The following RETSAT variants were observed in gnomAD, a reference collection of about 807,000 sequenced individuals.
The protein encoded by RETSAT is all-trans-retinol 13,14-reductase.
RETSAT carries 35 observed loss-of-function variants against 61.6 expected under a neutral mutation model. The observed-to-expected ratio is 0.57, with a 90% CI of 0.43 to 0.75. The LOEUF (loss-of-function observed/expected upper bound fraction) is 0.75. RETSAT is among the 30% of genes least tolerant of loss of function. The pLI, the probability that RETSAT is intolerant of heterozygous loss-of-function variation, is 0.00. For synonymous variants in RETSAT, 277 were observed against 310.4 expected, an observed-to-expected ratio of 0.89 and a Z score of 1.13; for missense variants, 670 against 759.5, an observed-to-expected ratio of 0.88 and a Z score of 1.38.
chr2:85,345,108 CT>C (rs912040100), intron 6 of RETSAT, among the ~76,000 whole-genome samples: 1 of 152,132 alleles, frequency 6.6e-6, no homozygotes, highest in African/African-American at 2.4e-5. Context: ...CAAGCCCGAC[CT>C]CCCTGCTCTG....
chr2:85,354,395 T>C lies in RETSAT; in HGVS notation c.113A>G (p.Lys38Arg), dbSNP rs756873279. The change falls in exon 1 of 11, where the codon AAA becomes AGA. Residue 38 changes from lysine to arginine, a missense_variant. Physicochemically the swap from Lys to Arg is conservative, Grantham distance 26. Coordinates refer to ENST00000295802, the MANE Select transcript of RETSAT (RefSeq NM_017750.4). ...SSPNPFSEDV[K>R]RPPAPLVTDK... The stretch of plus-strand genomic sequence containing the variant: ...AGTTACCAGGGGCGCTGGGGGCCGT[T>C]TGACATCTTCGGAGAAAGGATTCGG... 6.2e-7 allele frequency: 1 copy of C among 1,614,222 alleles called. No homozygotes were observed. The highest frequency in any genetic ancestry group is 1.1e-5 in the South Asian group (1 of 91,082).
chr2:85,350,742 C>T (rs760170331), intron 3 of RETSAT, 38 bp downstream of exon 3: 6 of 1,612,528 alleles, frequency 3.7e-6, no homozygotes, highest in South Asian at 3.3e-5. Flanking sequence ...CCAGCCTTAT[C>T]GAGAACAAAC....
chr2:85,346,204 T>A, intron 5 of RETSAT, 110 bp from the exon 6 acceptor site: 1 of 1,426,646 alleles, frequency 7.0e-7, no homozygotes, highest in Non-Finnish European at 9.5e-7. Flanking sequence ...GACCTTGGAG[T>A]CCAGCTACCT....
intron 5 of RETSAT, 136 bp from the exon 6 acceptor site, chr2:85,346,230 A>G (rs1683199520): frequency 8.5e-7 from 1 of 1,172,218 alleles, no homozygotes; most frequent in Admixed American, 2.3e-5. Context: ...CAGGCAGGGC[A>G]GGCCCCTGGG....
At chr2:85,349,057 GTT>G (rs1334867463) in intron 5 of RETSAT, among the ~76,000 whole-genome samples, 1 of 133,330 alleles carries the variant, frequency 7.5e-6, no homozygotes. Flanking sequence ...CCATATTTTT[GTT>G]TTTTTTTTTT....
chr2:85,352,664 G>A (rs138841757), intron 1 of RETSAT, among the ~76,000 whole-genome samples: 1,769 of 152,288 alleles, frequency 0.012, 139 homozygotes, highest in Admixed American at 0.1. Context: ...TTACAGGCAT[G>A]AGCCAACACA....
Position 85,346,209 on chromosome 2 carries a change from C to T in RETSAT, c.998-115G>A, listed in dbSNP as rs143178704. 177 of 1,377,150 alleles carry T rather than the reference C, an allele frequency of 1.3e-4. No individual in the cohort carries two copies. In the East Asian group the frequency reaches 3.3e-3, roughly 25 times the overall value. The allele number at this position is 1,377,150 out of a possible 1,614,324, so 85.3% of individuals were successfully genotyped here. ...CCATTTCTCAGACCTTGGAGTCCAG[C>T]TACCTAGACTCAGGCAGGGCAGGCC... On this transcript the variant is annotated intron_variant, in intron 5 of 10. Coordinates refer to ENST00000295802, the MANE Select transcript of RETSAT (RefSeq NM_017750.4).
At position 85,350,964 on chromosome 2, in the gene RETSAT, T is replaced by G. The variant is rs749846391; in HGVS notation, c.413A>C (p.Gln138Pro). 4 of 1,614,160 alleles carry G rather than the reference T, an allele frequency of 2.5e-6. No individual in the cohort carries two copies. Among genetic ancestry groups the G allele is most frequent in the East Asian group, 2.2e-5 (1 of 44,862 alleles). ...CCAGTCCAGCTGCCCTTCAGTGATC[T>G]GGTCCAAGATAAAACGGCCAATGCT... Reference protein sequence around the residue: ...EGSIGRFILDQITEGQLDWAP... With the variant: ...EGSIGRFILDPITEGQLDWAP... Residue 138 changes from glutamine to proline, a missense_variant, in exon 3 of 11, where the codon CAG becomes CCG. Gln to Pro is a moderately conservative substitution (Grantham distance 76, BLOSUM62 -1). Transcript: ENST00000295802.
Position 85,349,640 on chromosome 2 carries a change from A to G in RETSAT, c.800-59T>C, listed in dbSNP as rs370348019. ...GAGAAGGCACCAGCACCATTCAGAA[A>G]GGAACGTGGAATTCTGTGAGATAAC... is the stretch of plus-strand genomic sequence containing the variant. On this transcript the variant is annotated intron_variant, in intron 4 of 10. Coordinates refer to ENST00000295802, the MANE Select transcript of RETSAT (RefSeq NM_017750.4). The G allele has an allele frequency of 2.1e-6, 3 of 1,427,608 alleles. No homozygotes were observed. The African/African-American group carries it at 4.2e-5, about 20-fold the overall frequency. The allele number at this position is 1,427,608 out of a possible 1,614,324, so 88.4% of individuals were successfully genotyped here. A position where few individuals can be genotyped will look rare whatever the true frequency, so the allele number is the denominator to read the frequency against.
chr2:85,345,593 G>A (rs1311457370), intron 6 of RETSAT: 1 of 363,672 alleles, frequency 2.7e-6, no homozygotes, highest in African/African-American at 2.1e-5. Flanking sequence ...GGACCTCTTA[G>A]CTGCGTTGGC....
chr2:85,351,607 C>A (rs755936443), intron 2 of RETSAT, 73 bp downstream of exon 2: 79 of 1,425,944 alleles, frequency 5.5e-5, no homozygotes, highest in Non-Finnish European at 7.5e-5. Context: ...TGCTCAGTAT[C>A]ACCCCACAAG....
intron 5 of RETSAT, among the ~76,000 whole-genome samples, chr2:85,349,058 T>TTTTTTTTTTTTG (rs1683254597): frequency 7.3e-6 from 1 of 137,096 alleles, no homozygotes. Context: ...CATATTTTTG[T>TTTTTTTTTTTTG]TTTTTTTTTT....
At chr2:85,345,094 G>A (rs1474026128) in intron 6 of RETSAT, among the ~76,000 whole-genome samples, 1 of 152,144 alleles carries the variant, frequency 6.6e-6, no homozygotes, top group Non-Finnish European at 1.5e-5. Context: ...GTCTGCCTGT[G>A]CACCAAGCCC....
At chr2:85,350,670 T>C in intron 3 of RETSAT, 110 bp downstream of exon 3, 1 of 1,265,754 alleles carries the variant, frequency 7.9e-7, no homozygotes, top group Non-Finnish European at 1.1e-6. Flanking sequence ...TGACTCTTCC[T>C]CCCTTCCTGC....
At chr2:85,344,818 T>C (rs1683162217) in intron 6 of RETSAT, 86 bp from the exon 7 acceptor site, 2 of 1,473,128 alleles carry the variant, frequency 1.4e-6, no homozygotes, top group East Asian at 2.4e-5. Flanking sequence ...GGGTGCCAGC[T>C]CTGGCACCTG....
At chr2:85,349,994 C>G (rs1330073243) in intron 4 of RETSAT, 46 bp downstream of exon 4, 1 of 1,562,490 alleles carries the variant, frequency 6.4e-7, no homozygotes, top group East Asian at 2.2e-5. Context: ...GAGAGGGCAG[C>G]CGTTCCTCCT....
chr2:85,346,033 G>A lies in RETSAT; in HGVS notation c.1059C>T (p.Asn353=), dbSNP rs781468879. 1.9e-5 allele frequency: 30 copies of A among 1,614,044 alleles called. No homozygotes were observed. Among genetic ancestry groups the A allele is most frequent in the Admixed American group, 1.3e-4 (8 of 60,004 alleles). ...GTTCATAGGTGTTGAACAGTCCTGC[G>A]TTGGAGACCACGATGGGGCAATAGA... ...VNIYCPIVVS[N]AGLFNTYEHL... Residue 353 remains asparagine, a synonymous_variant, in exon 6 of 11, where the codon AAC becomes AAT. Coordinates refer to ENST00000295802, the MANE Select transcript of RETSAT (RefSeq NM_017750.4).
intron 5 of RETSAT, among the ~76,000 whole-genome samples, chr2:85,347,459 C>T (rs1178669201): frequency 6.6e-6 from 1 of 152,174 alleles, no homozygotes; most frequent in African/African-American, 2.4e-5. Flanking sequence ...GAACTCCTGA[C>T]CTTGTGATCC....
intron 5 of RETSAT, among the ~76,000 whole-genome samples, chr2:85,349,057 G>GGGTTTTTTTTTTTTGT (rs1553413591): frequency 2.5e-3 from 338 of 133,330 alleles, no homozygotes; most frequent in African/African-American, 9.5e-3. Flanking sequence ...CCATATTTTT[G>GGGTTTTTTTTTTTTGT]TTTTTTTTTT....
Sources: gnomAD v4.1 joint callset for allele counts (sites outside exome capture counted in the v4.1 genomes callset) on GRCh38, gnomAD v4.1.1 for gene constraint, MANE v1.5 for transcripts, NCBI Gene and HGNC (gene_info 2026-07-23, HGNC 2026-07-21) for gene names.